The following BTG4 variants were observed in gnomAD, a reference collection of about 807,000 sequenced individuals.
BTG4 encodes the protein protein BTG4.
BTG4 carries 10 observed loss-of-function variants against 19.3 expected under a neutral mutation model. That is an observed-to-expected ratio of 0.52 (90% CI 0.32 to 0.88). The LOEUF (loss-of-function observed/expected upper bound fraction) is 0.88. Ranked by LOEUF, BTG4 falls within the 40% of genes least tolerant of loss-of-function variation. The pLI is 0.04. For missense variants in BTG4, 238 were observed against 281.9 expected (o/e 0.84, Z 1.11); for synonymous variants, 91 against 95.7 (o/e 0.95, Z 0.29).
intron 1 of BTG4, among the ~76,000 whole-genome samples, chr11:111,503,089 A>G (rs1485306496): frequency 6.6e-6 from 1 of 152,180 alleles, no homozygotes; most frequent in Non-Finnish European, 1.5e-5. Flanking sequence ...ACAAAATTCA[A>G]CTTTCCTTTC....
intron 1 of BTG4, among the ~76,000 whole-genome samples, chr11:111,511,071 T>G (rs1288827775): frequency 6.6e-6 from 1 of 152,228 alleles, no homozygotes; most frequent in Non-Finnish European, 1.5e-5. Context: ...GTATGTATAT[T>G]TAGGTGAATG....
At chr11:111,487,565 CT>C (rs1865143754) in intron 5 of BTG4, among the ~76,000 whole-genome samples, 1 of 152,080 alleles carries the variant, frequency 6.6e-6, no homozygotes, top group South Asian at 2.1e-4. Flanking sequence ...ACGATGCCCA[CT>C]TTCACCATTT....
At chr11:111,481,271 T>A (rs1864723837) in intron 5 of BTG4, among the ~76,000 whole-genome samples, 1 of 151,836 alleles carries the variant, frequency 6.6e-6, no homozygotes, top group African/African-American at 2.4e-5. Context: ...CTAAAACTAT[T>A]AAGGAAATTG....
chr11:111,421,829 C>T, the BTG4 span, among the ~76,000 whole-genome samples: 336 of 152,230 alleles, frequency 2.2e-3, 2 homozygotes, highest in South Asian at 6.7e-3. Context: ...AAGAGAATCG[C>T]TTGAACCAGG....
the BTG4 span, among the ~76,000 whole-genome samples, chr11:111,409,578 C>G: frequency 6.6e-6 from 1 of 152,186 alleles, no homozygotes; most frequent in African/African-American, 2.4e-5. Context: ...GCCAAGCAGA[C>G]GCCAGCACCA....
the BTG4 span, among the ~76,000 whole-genome samples, chr11:111,420,522 G>C: frequency 6.6e-6 from 1 of 152,240 alleles, no homozygotes; most frequent in East Asian, 1.9e-4. Context: ...AGATAAAACA[G>C]GGGGAGATGA....
chr11:111,497,918 A>G (rs887527529), intron 3 of BTG4, 80 bp downstream of exon 3: 240 of 1,473,468 alleles, frequency 1.6e-4, no homozygotes, highest in Non-Finnish European at 1.9e-4. Flanking sequence ...TTGGGGCATC[A>G]TCTTTCATGA....
intron 5 of BTG4, among the ~76,000 whole-genome samples, chr11:111,483,416 A>G (rs1864862279): frequency 6.6e-6 from 1 of 152,196 alleles, no homozygotes; most frequent in African/African-American, 2.4e-5. Flanking sequence ...ACAGTGATGA[A>G]GATATCATCT....
the BTG4 span, among the ~76,000 whole-genome samples, chr11:111,453,866 T>C: frequency 6.6e-6 from 1 of 152,200 alleles, no homozygotes; most frequent in Admixed American, 6.5e-5. Context: ...ACCAGTACTA[T>C]CTAGAGGAGC....
the BTG4 span, among the ~76,000 whole-genome samples, chr11:111,434,827 G>A: frequency 6.6e-6 from 1 of 152,076 alleles, no homozygotes. Flanking sequence ...GAAATAAGGA[G>A]GGCAGGGAAT....
chr11:111,452,843 C>T, the BTG4 span, among the ~76,000 whole-genome samples: 1 of 152,048 alleles, frequency 6.6e-6, no homozygotes, highest in African/African-American at 2.4e-5. Context: ...ACAGACTTTC[C>T]GGAAGAGTTG....
At chr11:111,426,758 C>G in the BTG4 span, among the ~76,000 whole-genome samples, 1 of 152,198 alleles carries the variant, frequency 6.6e-6, no homozygotes, top group Non-Finnish European at 1.5e-5. Flanking sequence ...TTACCACGCC[C>G]CTGTATCACA....
At chr11:111,482,151 A>C (rs1402575291) in intron 5 of BTG4, among the ~76,000 whole-genome samples, 1 of 152,082 alleles carries the variant, frequency 6.6e-6, no homozygotes. Context: ...AGGAAAACAC[A>C]CAAAAATCAC....
At chr11:111,509,837 G>A (rs904884094) in intron 1 of BTG4, among the ~76,000 whole-genome samples, 2 of 150,812 alleles carry the variant, frequency 1.3e-5, no homozygotes, top group African/African-American at 4.9e-5. Context: ...GGGAGATGGT[G>A]AGTTTGTATG....
At chr11:111,390,719 A>G in the BTG4 span, among the ~76,000 whole-genome samples, 3 of 152,194 alleles carry the variant, frequency 2.0e-5, no homozygotes, top group African/African-American at 7.2e-5. Flanking sequence ...GTTTTTTAAG[A>G]GTCCAACAGG....
the BTG4 span, among the ~76,000 whole-genome samples, chr11:111,431,255 A>T: frequency 1.3e-5 from 2 of 152,310 alleles, no homozygotes; most frequent in East Asian, 3.9e-4. Flanking sequence ...CAGTATTAAT[A>T]TTAGCCTAAT....
the BTG4 span, among the ~76,000 whole-genome samples, chr11:111,434,718 AG>A: frequency 1.3e-5 from 2 of 151,158 alleles, no homozygotes; most frequent in East Asian, 1.9e-4. Flanking sequence ...AAAAAAAAAA[AG>A]TTTGTCCGTA....
chr11:111,400,050 G>A, the BTG4 span, among the ~76,000 whole-genome samples: 14 of 152,278 alleles, frequency 9.2e-5, no homozygotes, highest in Non-Finnish European at 1.9e-4. Context: ...GGGAGACAGT[G>A]TAAATCCCCT....
chr11:111,394,309 T>C, the BTG4 span, among the ~76,000 whole-genome samples: 7 of 152,354 alleles, frequency 4.6e-5, no homozygotes, highest in East Asian at 9.6e-4. Flanking sequence ...TCTTGAATTG[T>C]AGCTCCCATA....
Sources: allele counts gnomAD v4.1 joint callset (sites outside exome capture counted in the v4.1 genomes callset), GRCh38; gene constraint gnomAD v4.1.1; transcripts MANE v1.5; gene names NCBI Gene and HGNC (gene_info 2026-07-23, HGNC 2026-07-21).